Variants in FUBP1 observed in about 807,000 individuals in gnomAD.
FUBP1 encodes far upstream element-binding protein 1.
FUBP1 carries 16 observed loss-of-function variants against 94.9 expected under a neutral mutation model. The observed-to-expected ratio is 0.17, with a 90% confidence interval of 0.11 to 0.26. The LOEUF (loss-of-function observed/expected upper bound fraction) is 0.26. FUBP1 is among the 10% of genes least tolerant of loss of function. The pLI is 1.00. For synonymous variants in FUBP1, 279 were observed against 254.9 expected (o/e 1.09, Z -0.90); for missense variants, 583 against 808.6 (o/e 0.72, Z 3.38).
rs1184877772 is a variant in FUBP1 at position 77,944,592 on chromosome 1, AT to A, written c.*4173del. ...AAATAAAAACAAGACATCCTCACTG[AT>A]TAGTAAACTCTACATCATTATTCTA... On this transcript the variant is annotated 3_prime_UTR_variant, in exon 20 of 20. Transcript: ENST00000370768. Among the ~76,000 whole-genome samples, 1 of 151,934 alleles carries A rather than the reference AT, an allele frequency of 6.6e-6. No individual in the cohort carries two copies. Among genetic ancestry groups the A allele is most frequent in the Non-Finnish European group, 1.5e-5 (1 of 67,840 alleles).
At chr1:77,973,594 G>A (rs1254749046) in intron 1 of FUBP1, among the ~76,000 whole-genome samples, 1 of 151,760 alleles carries the variant, frequency 6.6e-6, no homozygotes, top group Non-Finnish European at 1.5e-5. Context: ...TTTCCATCTG[G>A]ACCATTATCT....
chr1:77,975,668 A>G (rs941825998), intron 1 of FUBP1, among the ~76,000 whole-genome samples: 2 of 152,216 alleles, frequency 1.3e-5, no homozygotes, highest in Non-Finnish European at 2.9e-5. Context: ...TAATTTTCCA[A>G]TGTTCTAGAG....
chr1:77,978,202 C>T (rs569366248), intron 1 of FUBP1, among the ~76,000 whole-genome samples: 1 of 152,222 alleles, frequency 6.6e-6, no homozygotes, highest in African/African-American at 2.4e-5. Context: ...GCCTTCAGGG[C>T]AAATGCACGC....
In FUBP1 at chr1:77,947,635, A is replaced by G. The variant is rs1652429762; in HGVS notation, c.*1131T>C. On this transcript the variant is annotated 3_prime_UTR_variant, in exon 20 of 20. Transcript: ENST00000370768. Reference sequence around the variant, plus strand: ...GCAAAGAGCCAACAAATATGCAAAGAGTAAAACAATGGATTTCAACAAAAT... The same window carrying G: ...GCAAAGAGCCAACAAATATGCAAAGGGTAAAACAATGGATTTCAACAAAAT... 1.2e-6 allele frequency: 1 copy of G among 860,224 alleles called. No homozygotes were observed. The highest frequency in any genetic ancestry group is 2.2e-5 in the Admixed American group (1 of 44,880). 53.3% of individuals were successfully genotyped at this position (860,224 alleles called of 1,614,324 possible).
chr1:77,968,809 T>A (rs919010678), intron 2 of FUBP1, among the ~76,000 whole-genome samples: 7 of 152,134 alleles, frequency 4.6e-5, no homozygotes, highest in Non-Finnish European at 1.0e-4. Context: ...CACAGATGAA[T>A]ACAATGCATA....
At chr1:77,954,288 G>A (rs543452001) in intron 18 of FUBP1, among the ~76,000 whole-genome samples, 111 of 152,264 alleles carry the variant, frequency 7.3e-4, no homozygotes, top group African/African-American at 2.5e-3. Context: ...CTTAATCAGA[G>A]TATGCTGTTT....
At position 77,944,965 on chromosome 1, in the gene FUBP1, G is replaced by C. The variant is rs1371165676; in HGVS notation, c.*3801C>G. On this transcript the variant is annotated 3_prime_UTR_variant, in exon 20 of 20. Transcript: ENST00000370768. Reference sequence around the variant, plus strand: ...AAACTAAAAACATTGTCAAATTTTTGTTTAAGTGCTAAATAAGTCAGTTCA... The same window carrying C: ...AAACTAAAAACATTGTCAAATTTTTCTTTAAGTGCTAAATAAGTCAGTTCA... Among the ~76,000 whole-genome samples the C allele has an allele frequency of 6.6e-6, 1 of 151,686 alleles. No homozygotes were observed. Among genetic ancestry groups the C allele is most frequent in the Non-Finnish European group, 1.5e-5 (1 of 67,766 alleles).
chr1:77,955,206 T>C, intron 18 of FUBP1, 49 bp downstream of exon 18: 1 of 798,500 alleles, frequency 1.3e-6, no homozygotes, highest in South Asian at 1.4e-5. Flanking sequence ...GAGAATAATT[T>C]GTTTCAATTT....
In FUBP1 at chr1:77,956,654, G is replaced by C; in HGVS notation, c.1623C>G (p.Tyr541Ter). Residue 541 changes from tyrosine to a stop codon, truncating the protein, a stop_gained, in exon 17 of 20, where the codon TAC becomes TAG. Coordinates refer to ENST00000370768, the MANE Select transcript of FUBP1 (RefSeq NM_003902.5). LOFTEE classifies it high-confidence loss of function. ...DPNSAAWAAYYAHYYQQQAQP... is the reference protein window; with the variant it reads ...DPNSAAWAAY ...GTGCTTGCTGTTGATAATAGTGAGC[G>C]TAATAAGCAGCCCAAGCTGCTGAAT... 6.2e-7 allele frequency: 1 copy of C among 1,608,566 alleles called. No homozygotes were observed. The highest frequency in any genetic ancestry group is 8.5e-7 in the Non-Finnish European group (1 of 1,175,122).
Position 77,948,786 on chromosome 1 carries a change from A to G in FUBP1, c.1927-12T>C. The G allele has an allele frequency of 6.2e-7, 1 of 1,605,652 alleles. No homozygotes were observed. Among genetic ancestry groups the G allele is most frequent in the Non-Finnish European group, 8.5e-7 (1 of 1,172,526 alleles). On this transcript the variant is annotated splice_polypyrimidine_tract_variant and intron_variant, in intron 19 of 19. Transcript: ENST00000370768. ...TCTTATTATTGGCCCTGTGCAGAAG[A>G]GATACATAAGAAATACACAAAAAGT...
intron 1 of FUBP1, among the ~76,000 whole-genome samples, chr1:77,977,395 G>A (rs1434172043): frequency 2.0e-5 from 3 of 152,026 alleles, no homozygotes; most frequent in Non-Finnish European, 1.5e-5. Context: ...GCATGGTGGC[G>A]GGCGCCTGTA....
chr1:77,974,804 A>G (rs978170654), intron 1 of FUBP1, among the ~76,000 whole-genome samples: 4 of 152,208 alleles, frequency 2.6e-5, no homozygotes, highest in Admixed American at 2.0e-4. Context: ...GAGGTTAAGA[A>G]CAGACTATTG....
At chr1:77,960,769 C>A (rs573431843) in intron 14 of FUBP1, 1 of 324,034 alleles carries the variant, frequency 3.1e-6, no homozygotes, top group African/African-American at 2.2e-5. Flanking sequence ...AGCTTGTTTG[C>A]GGACAGCAGT....
Position 77,945,850 on chromosome 1 carries a change from A to G in FUBP1, c.*2916T>C, listed in dbSNP as rs1652028707. On this transcript the variant is annotated 3_prime_UTR_variant, in exon 20 of 20. Coordinates refer to ENST00000370768, the MANE Select transcript of FUBP1 (RefSeq NM_003902.5). ...ACATTTTAAACTGGCAAAAAAATTA[A>G]ATGCAGCGTCAGTTATTAAAATATT... The G allele has an allele frequency of 4.7e-6, 1 of 211,328 alleles. No individual in the cohort carries two copies. The highest frequency in any genetic ancestry group is 9.6e-6 in the Non-Finnish European group (1 of 104,166). The allele number at this position is 211,328 out of a possible 1,614,324, so 13.1% of individuals were successfully genotyped here. A position where few individuals can be genotyped will look rare whatever the true frequency, so the allele number is the denominator to read the frequency against.
At chr1:77,978,733 G>T in intron 1 of FUBP1, 152 bp downstream of exon 1, 1 of 1,000,534 alleles carries the variant, frequency 1.0e-6, no homozygotes, top group Non-Finnish European at 1.5e-6. Flanking sequence ...GTCTCTAATC[G>T]TTATTACCAA....
At chr1:77,966,620 C>A in intron 7 of FUBP1, 74 bp downstream of exon 7, 1 of 801,274 alleles carries the variant, frequency 1.2e-6, no homozygotes, top group South Asian at 1.5e-5. Context: ...AAAGCAGTAA[C>A]AAAGAGAAGA....
intron 7 of FUBP1, 98 bp from the exon 8 acceptor site, chr1:77,965,329 C>G (rs1656273996): frequency 1.4e-6 from 1 of 691,092 alleles, no homozygotes; most frequent in African/African-American, 1.8e-5. Context: ...TCCTCCTATC[C>G]CAGTTCAGGA....
rs150162389 is a variant in FUBP1, at chr1:77,956,689, T to C, written c.1588A>G (p.Thr530Ala). Reference sequence around the variant, plus strand: ...GCCCAAGCTGCTGAATTTGGATCCGTTCCTGCCTTAGCTAAAATAAATGAA... The same window carrying C: ...GCCCAAGCTGCTGAATTTGGATCCGCTCCTGCCTTAGCTAAAATAAATGAA... ...QAPPDPAKAGTDPNSAAWAAY... is the reference protein window; with the variant it reads ...QAPPDPAKAGADPNSAAWAAY... The change falls in exon 17 of 20, where the codon ACG (threonine) becomes GCG (alanine). Residue 530 changes from threonine to alanine, a missense_variant. Transcript: ENST00000370768. 1,228 of 1,612,048 alleles carry C rather than the reference T, an allele frequency of 7.6e-4. 10 individuals carry two copies. In the African/African-American group the frequency reaches 0.015, roughly 20 times the overall value.
intron 14 of FUBP1, 108 bp from the exon 15 acceptor site, chr1:77,960,603 A>T: frequency 1.1e-6 from 1 of 880,912 alleles, no homozygotes; most frequent in Non-Finnish European, 1.7e-6. Flanking sequence ...CACAAATAAC[A>T]AATTTTAGGT....
Sources: gnomAD v4.1 joint callset for allele counts (sites outside exome capture counted in the v4.1 genomes callset) on GRCh38, gnomAD v4.1.1 for gene constraint, MANE v1.5 for transcripts, NCBI Gene and HGNC (gene_info 2026-07-23, HGNC 2026-07-21) for gene names.